The following BCAS3 variants were observed in gnomAD, a reference collection of about 807,000 sequenced individuals.
The protein encoded by BCAS3 is BCAS3 microtubule associated cell migration factor, also known as BCAS4/BCAS3 fusion.
Under a neutral mutation model 116.1 loss-of-function variants are expected in BCAS3, and 53 were observed. That is an observed-to-expected ratio of 0.46 (90% CI 0.37 to 0.57). BCAS3 has a LOEUF of 0.57. Among genes scored for constraint, BCAS3 ranks in the 20% least tolerant of loss-of-function variants. The pLI is 0.00. For missense variants in BCAS3, 917 were observed against 1,165.4 expected (o/e 0.79, Z 3.10); for synonymous variants, 391 against 408.2 (o/e 0.96, Z 0.51).
At chr17:60,698,345 T>G (rs577935688) in intron 4 of BCAS3, among the ~76,000 whole-genome samples, 2 of 152,126 alleles carry the variant, frequency 1.3e-5, no homozygotes, top group African/African-American at 2.4e-5. Context: ...AGGTTTTTGT[T>G]CAAGAACAAT....
rs1282030932 is a variant in BCAS3, at chr17:61,344,225, C to T, written c.2426-24102C>T. On this transcript the variant is annotated intron_variant, in intron 22 of 23. Transcript: ENST00000407086. This position sits in a 1 kb window ranked among gnomAD's most constrained non-coding sequence, Gnocchi z 4.1. ...CTTAGGAGAACCTGAGTTCACCTGCCAAAATCATCCTTTGACATTAAAAAA... is the reference window on the plus strand; with the variant it reads ...CTTAGGAGAACCTGAGTTCACCTGCTAAAATCATCCTTTGACATTAAAAAA... Among the ~76,000 whole-genome samples, 1 of 151,818 alleles carries T rather than the reference C, an allele frequency of 6.6e-6. No individual in the cohort carries two copies. The highest frequency in any genetic ancestry group is 1.5e-5 in the Non-Finnish European group (1 of 67,966).
At chr17:61,274,802 G>A (rs8082635) in intron 22 of BCAS3, among the ~76,000 whole-genome samples, 21,809 of 152,080 alleles carry the variant, frequency 0.14, 3,150 homozygotes, top group African/African-American at 0.37. Context: ...GAAGAAGTAA[G>A]ACTGTTTCTA....
At chr17:61,006,561 T>C (rs1329839931) in intron 15 of BCAS3, among the ~76,000 whole-genome samples, 1 of 152,080 alleles carries the variant, frequency 6.6e-6, no homozygotes, top group African/African-American at 2.4e-5. Context: ...GAGTTGAGTA[T>C]AGGGTATTTT....
At chr17:60,930,737 C>T (rs570901436) in intron 13 of BCAS3, among the ~76,000 whole-genome samples, 18 of 152,266 alleles carry the variant, frequency 1.2e-4, no homozygotes, top group Non-Finnish European at 2.2e-4. Context: ...GGATTACAGA[C>T]GTGAGCCACT....
intron 6 of BCAS3, among the ~76,000 whole-genome samples, chr17:60,779,979 T>G (rs1193291684): frequency 2.0e-5 from 3 of 151,954 alleles, no homozygotes; most frequent in African/African-American, 7.2e-5. Context: ...TCTAAAAAAC[T>G]TTACTATTTT....
intron 6 of BCAS3, among the ~76,000 whole-genome samples, chr17:60,757,827 G>T (rs1234909456): frequency 1.3e-5 from 2 of 151,946 alleles, no homozygotes; most frequent in African/African-American, 4.8e-5. Context: ...AGTCATGAAG[G>T]TTTTGCCTAG....
Position 61,388,982 on chromosome 17 carries a change from A to G in BCAS3, c.2594-2995A>G, listed in dbSNP as rs767942627. 44 of 403,656 alleles carry G rather than the reference A, an allele frequency of 1.1e-4. 1 individual carries two copies. The South Asian group carries it at 1.2e-3, about 11-fold the overall frequency. 25.0% of individuals were successfully genotyped at this position (403,656 alleles called of 1,614,324 possible). On this transcript the variant is annotated intron_variant, in intron 23 of 23. Coordinates refer to ENST00000407086, the MANE Select transcript of BCAS3 (RefSeq NM_017679.5). The surrounding 1 kb of genome is among the most constrained non-coding windows in gnomAD (Gnocchi z 6.5). ...ACATCATTCATTCATTCATTCATTCATTCATTCATTCATTCATTCATGCTA... is the reference window on the plus strand; with the variant it reads ...ACATCATTCATTCATTCATTCATTCGTTCATTCATTCATTCATTCATGCTA...
rs1234047941 is a variant in BCAS3, at chr17:61,307,119, C to G, written c.2426-61208C>G. Among the ~76,000 whole-genome samples, 1 of 152,190 alleles carries G rather than the reference C, an allele frequency of 6.6e-6. No individual in the cohort carries two copies. On this transcript the variant is annotated intron_variant, in intron 22 of 23. Coordinates refer to ENST00000407086, the MANE Select transcript of BCAS3 (RefSeq NM_017679.5). This position sits in a 1 kb window ranked among gnomAD's most constrained non-coding sequence, Gnocchi z 4.7. ...CTTCAAGTTTTCTTTTACTGCTTCC[C>G]CACAAACCGTAGAATGAGAAAAGGA...
At position 61,097,167 on chromosome 17, in the gene BCAS3, CTTTA is replaced by C. The variant is rs915984214; in HGVS notation, c.2425+12607_2425+12610del. On this transcript the variant is annotated intron_variant, in intron 22 of 23. Transcript: ENST00000407086. This position sits in a 1 kb window ranked among gnomAD's most constrained non-coding sequence, Gnocchi z 4.0. ...GAATTTTAAGAAGCCTACTCTGTTT[CTTTA>C]TTTGTTTTTTTCTTTTTTCTTTTTT... Among the ~76,000 whole-genome samples, 3 of 151,964 alleles carry C rather than the reference CTTTA, an allele frequency of 2.0e-5. No homozygotes were observed. Among genetic ancestry groups the C allele is most frequent in the African/African-American group, 7.2e-5 (3 of 41,400 alleles).
Position 61,053,531 on chromosome 17 carries a change from T to C in BCAS3, c.2029+12639T>C, listed in dbSNP as rs1039986004. Among the ~76,000 whole-genome samples the C allele has an allele frequency of 2.0e-4, 30 of 152,232 alleles. 1 individual carries two copies. Among genetic ancestry groups the C allele is most frequent in the Non-Finnish European group, 7.3e-5 (5 of 68,036 alleles). On this transcript the variant is annotated intron_variant, in intron 19 of 23. Coordinates refer to ENST00000407086, the MANE Select transcript of BCAS3 (RefSeq NM_017679.5). ...TCAGTGCCCTGGAAAAGCAATTAAA[T>C]ATGCAGCAATTTTCTTATGAGCTGC...
At chr17:60,715,479 A>G (rs764588335) in intron 5 of BCAS3, among the ~76,000 whole-genome samples, 6 of 152,006 alleles carry the variant, frequency 3.9e-5, no homozygotes, top group Non-Finnish European at 7.4e-5. Flanking sequence ...ATTTCAAAAT[A>G]TCATACTTCT....
chr17:61,345,387 G>A (rs1469403178), intron 22 of BCAS3, among the ~76,000 whole-genome samples: 2 of 152,212 alleles, frequency 1.3e-5, no homozygotes, highest in Non-Finnish European at 2.9e-5. Context: ...GAATCTCAGA[G>A]GCAGTTAGTT....
intron 14 of BCAS3, among the ~76,000 whole-genome samples, chr17:60,974,982 G>T (rs58797639): frequency 0.017 from 2,362 of 135,470 alleles, 99 homozygotes; most frequent in African/African-American, 0.079. Context: ...TGTTTTTTTT[G>T]TTTTTTTTGC....
In BCAS3 at chr17:61,382,656, C is replaced by CAA. The variant is rs558574098; in HGVS notation, c.2594-9311_2594-9310dup. The CAA allele has an allele frequency of 2.8e-3, 385 of 137,054 alleles. 3 individuals are homozygous for CAA. The highest frequency in any genetic ancestry group is 9.9e-3 in the African/African-American group (368 of 37,186). The allele number at this position is 137,054 out of a possible 1,614,324, so 8.5% of individuals were successfully genotyped here. On this transcript the variant is annotated intron_variant, in intron 23 of 23. Coordinates refer to ENST00000407086, the MANE Select transcript of BCAS3 (RefSeq NM_017679.5). ...GGGTGAAAGAGCAAGACCCTGCCTC[C>CAA]AAAAAAAAAAAGGAAGAAGGAAAGA...
At position 60,995,454 on chromosome 17, in the gene BCAS3, G is replaced by A. The variant is rs867169017; in HGVS notation, c.1486+5219G>A. On this transcript the variant is annotated intron_variant, in intron 15 of 23. Coordinates refer to ENST00000407086, the MANE Select transcript of BCAS3 (RefSeq NM_017679.5). This position sits in a 1 kb window ranked among gnomAD's most constrained non-coding sequence, Gnocchi z 4.7. ...TGGGATTACAGACATGAGCCACCGC[G>A]CCCAGCCGAATTTTTGTATTTTAAG... Among the ~76,000 whole-genome samples the A allele has an allele frequency of 6.6e-6, 1 of 151,766 alleles. No homozygotes were observed.
At position 61,392,191 on chromosome 17, in the gene BCAS3, C is replaced by G. The variant is rs371247388; in HGVS notation, c.*66C>G. On this transcript the variant is annotated 3_prime_UTR_variant, in exon 24 of 24. Coordinates refer to ENST00000407086, the MANE Select transcript of BCAS3 (RefSeq NM_017679.5). This position sits in a 1 kb window ranked among gnomAD's most constrained non-coding sequence, Gnocchi z 6.4. ...GCTGGAGGAGGGGAGAAGCCCCGCT[C>G]TGGTCCTACCCTTCAGTCTCTGCTC... is the stretch of plus-strand genomic sequence containing the variant. The G allele has an allele frequency of 2.4e-4, 363 of 1,539,370 alleles. No homozygotes were observed. The highest frequency in any genetic ancestry group is 2.9e-4 in the Non-Finnish European group (333 of 1,131,946).
At chr17:60,865,111 G>T (rs754303149) in intron 7 of BCAS3, among the ~76,000 whole-genome samples, 4 of 152,092 alleles carry the variant, frequency 2.6e-5, no homozygotes, top group Non-Finnish European at 5.9e-5. Flanking sequence ...AAATGTGATG[G>T]AGAGACACTA....
At chr17:60,778,974 T>C (rs911886753) in intron 6 of BCAS3, among the ~76,000 whole-genome samples, 1 of 152,226 alleles carries the variant, frequency 6.6e-6, no homozygotes, top group Non-Finnish European at 1.5e-5. Context: ...GATATTTGAA[T>C]AAACATCTAA....
intron 22 of BCAS3, among the ~76,000 whole-genome samples, chr17:61,359,499 T>A (rs2058335497): frequency 2.8e-5 from 1 of 35,560 alleles, no homozygotes; most frequent in Non-Finnish European, 9.0e-5. Flanking sequence ...TTCAAGGTTT[T>A]GTTTTTTTTT....
Sources: allele counts gnomAD v4.1 joint callset (sites outside exome capture counted in the v4.1 genomes callset), GRCh38; gene constraint gnomAD v4.1.1; non-coding constraint Gnocchi (gnomAD v3.1); transcripts MANE v1.5; gene names NCBI Gene and HGNC (gene_info 2026-07-23, HGNC 2026-07-21).